PCDHGB4: variants seen among roughly 807,000 people sequenced by gnomAD.
PCDHGB4 encodes the protein protocadherin gamma subfamily B, 4.
A neutral mutation model predicts 60.5 loss-of-function variants in PCDHGB4; 38 were observed. That is an observed-to-expected ratio of 0.63 (90% confidence interval 0.48 to 0.82). PCDHGB4 has a LOEUF of 0.82. Among genes scored for constraint, PCDHGB4 ranks in the 40% least tolerant of loss-of-function variants. The probability of loss-of-function intolerance (pLI) is 0.00; values close to 1 mark genes in which losing one functional copy is unlikely to be tolerated. For synonymous variants in PCDHGB4, 456 were observed against 509.7 expected, an observed-to-expected ratio of 0.89 and a Z score of 1.42; for missense variants, 1,109 against 1,209.6, an observed-to-expected ratio of 0.92 and a Z score of 1.23.
At chr5:141,455,634 G>T (rs1429708887) in intron 1 of PCDHGB4, among the ~76,000 whole-genome samples, 1 of 152,110 alleles carries the variant, frequency 6.6e-6, no homozygotes, top group African/African-American at 2.4e-5. Context: ...GAGATATGTG[G>T]GGGGCAGCCA....
Position 141,490,732 on chromosome 5 carries a change from G to T in PCDHGB4, c.2398-4075G>T, listed in dbSNP as rs775388969. 4 of 1,614,188 alleles carry T rather than the reference G, an allele frequency of 2.5e-6. No individual in the cohort carries two copies. Among genetic ancestry groups the T allele is most frequent in the Non-Finnish European group, 3.4e-6 (4 of 1,180,042 alleles). ...CACCTACTCCATTGTAGGAAATCAGGTTCAGGGAGCCCCAGCCTCCTCCTT... is the reference window on the plus strand; with the variant it reads ...CACCTACTCCATTGTAGGAAATCAGTTTCAGGGAGCCCCAGCCTCCTCCTT... On this transcript the variant is annotated intron_variant, in intron 1 of 3. Transcript: ENST00000519479. The surrounding 1 kb of genome is among the most constrained non-coding windows in gnomAD (Gnocchi z 5.4).
chr5:141,490,793 C>T lies in PCDHGB4; in HGVS notation c.2398-4014C>T, dbSNP rs2233608. 6 of 1,613,812 alleles carry T rather than the reference C, an allele frequency of 3.7e-6. No homozygotes were observed. The East Asian group carries it at 1.3e-4, about 36-fold the overall frequency. On this transcript the variant is annotated intron_variant, in intron 1 of 3. Transcript: ENST00000519479. This position sits in a 1 kb window ranked among gnomAD's most constrained non-coding sequence, Gnocchi z 5.4. Reference sequence around the variant, plus strand: ...AACCCAGAGGATGGACGGATCTTTGCCCAGCGTACCTTTGACTATGAATTG... The same window carrying T: ...AACCCAGAGGATGGACGGATCTTTGTCCAGCGTACCTTTGACTATGAATTG...
intron 3 of PCDHGB4, among the ~76,000 whole-genome samples, chr5:141,508,848 TC>T (rs1390332366): frequency 6.6e-5 from 10 of 151,752 alleles, no homozygotes. Context: ...CCCCTTCCAT[TC>T]CCAGGCTGGG....
rs1452697214 is a variant in PCDHGB4 at position 141,476,552 on chromosome 5, G to T, written c.2398-18255G>T. ...CCAGGAAATGAAATTGGAGATTAGC[G>T]AGGCCGTGGCTCCGGGGACGCGCTT... On this transcript the variant is annotated intron_variant, in intron 1 of 3. Transcript: ENST00000519479. The surrounding 1 kb of genome is among the most constrained non-coding windows in gnomAD (Gnocchi z 7.6). 6.2e-7 allele frequency: 1 copy of T among 1,614,210 alleles called. No individual in the cohort carries two copies. The highest frequency in any genetic ancestry group is 2.2e-5 in the East Asian group (1 of 44,872).
chr5:141,398,799 C>A, intron 1 of PCDHGB4: 1 of 1,613,966 alleles, frequency 6.2e-7, no homozygotes, highest in South Asian at 1.1e-5. Context: ...CCCTAAGCGG[C>A]ACCACTGAGC....
At chr5:141,421,618 G>A (rs748399893) in intron 1 of PCDHGB4, 1 of 1,613,766 alleles carries the variant, frequency 6.2e-7, no homozygotes, top group African/African-American at 1.3e-5. Context: ...TAATGATAAC[G>A]CCCCCAGCTT....
At chr5:141,399,576 C>A (rs2093838433) in intron 1 of PCDHGB4, 4 of 1,614,028 alleles carry the variant, frequency 2.5e-6, no homozygotes, top group Non-Finnish European at 3.4e-6. Context: ...ACGGCCAAGT[C>A]TCCTACTCTA....
rs114776679 is a variant in PCDHGB4, at chr5:141,400,351, G to A, written c.2397+10070G>A. The A allele has an allele frequency of 1.1e-3, 1,779 of 1,614,070 alleles. 15 individuals are homozygous for A. The African/African-American group carries it at 0.021, about 19-fold the overall frequency. On this transcript the variant is annotated intron_variant, in intron 1 of 3. Coordinates refer to ENST00000519479, the MANE Select transcript of PCDHGB4 (RefSeq NM_003736.4). ...TGTGGTTCCCCCCAACTACAGTCAG[G>A]GGACTTTGCCTTATTCCTACAACCT...
intron 1 of PCDHGB4, chr5:141,427,868 C>T (rs1311930991): frequency 4.5e-6 from 7 of 1,559,298 alleles, no homozygotes; most frequent in African/African-American, 2.7e-5. Context: ...CCTTCGAGCT[C>T]ACGATGCAGG....
At chr5:141,497,776 C>A (rs1384125562) in intron 2 of PCDHGB4, among the ~76,000 whole-genome samples, 2 of 152,170 alleles carry the variant, frequency 1.3e-5, no homozygotes. Flanking sequence ...CCGACCTCAA[C>A]TGATCCACCT....
intron 1 of PCDHGB4, chr5:141,395,370 G>A (rs377682598): frequency 1.7e-6 from 2 of 1,207,198 alleles, no homozygotes; most frequent in South Asian, 1.7e-5. Flanking sequence ...GTTTATTTTG[G>A]TGGTGTTACT....
intron 1 of PCDHGB4, chr5:141,393,269 T>C (rs1481759237): frequency 1.2e-6 from 2 of 1,613,832 alleles, no homozygotes; most frequent in Non-Finnish European, 1.7e-6. Flanking sequence ...GAGCACGTTA[T>C]CCACTCCCAG....
chr5:141,509,179 C>T (rs895281717), intron 3 of PCDHGB4, among the ~76,000 whole-genome samples: 1 of 152,172 alleles, frequency 6.6e-6, no homozygotes, highest in African/African-American at 2.4e-5. Flanking sequence ...TCCTCTTATG[C>T]CGGCTTGAAA....
In PCDHGB4 at chr5:141,510,976, G is replaced by A. The variant is rs752758180; in HGVS notation, c.2575G>A (p.Gly859Arg). The change falls in exon 4 of 4, where the codon GGG (glycine) becomes AGG (arginine). Residue 859 changes from glycine to arginine, a missense_variant. Gly to Arg is a moderately radical substitution (Grantham distance 125, BLOSUM62 -2). This residue lies in a region of PCDHGB4 where 1,068 missense variants were observed against 1,089.9 expected (regional missense o/e 0.98). Transcript: ENST00000519479. ...EAADGSSTLG[G>R]GAGTMGLSAR... ...TGCTGATGGGAGCTCCACCCTGGGA[G>A]GGGGTGCCGGCACCATGGGATTGAG... The A allele has an allele frequency of 5.0e-6, 8 of 1,614,046 alleles. No individual in the cohort carries two copies. The highest frequency in any genetic ancestry group is 6.8e-6 in the Non-Finnish European group (8 of 1,180,022).
At chr5:141,419,797 A>G (rs371201079) in intron 1 of PCDHGB4, 14 of 1,613,920 alleles carry the variant, frequency 8.7e-6, no homozygotes, top group Non-Finnish European at 1.1e-5. Flanking sequence ...TAGTCGCTGT[A>G]AGAGATGGAG....
intron 1 of PCDHGB4, among the ~76,000 whole-genome samples, chr5:141,471,107 G>T (rs1023848236): frequency 1.3e-5 from 2 of 148,554 alleles, no homozygotes; most frequent in East Asian, 2.0e-4. Context: ...AGAGTGCAGT[G>T]GTGCGATCTT....
rs139156138 is a variant in PCDHGB4 at position 141,472,179 on chromosome 5, T to C, written c.2398-22628T>C. 5.1e-4 allele frequency among the ~76,000 whole-genome samples: 77 copies of C among 152,246 alleles called. 4 individuals are homozygous for C. The East Asian group carries it at 0.014, about 27-fold the overall frequency. On this transcript the variant is annotated intron_variant, in intron 1 of 3. Coordinates refer to ENST00000519479, the MANE Select transcript of PCDHGB4 (RefSeq NM_003736.4). ...TAGCTACTAGGTGTAATATCCAGTATTGGAATTTGAATCTTTTTGACACTA... is the reference window on the plus strand; with the variant it reads ...TAGCTACTAGGTGTAATATCCAGTACTGGAATTTGAATCTTTTTGACACTA...
chr5:141,500,434 C>T (rs1216731905), intron 2 of PCDHGB4, among the ~76,000 whole-genome samples: 1 of 152,014 alleles, frequency 6.6e-6, no homozygotes, highest in Non-Finnish European at 1.5e-5. Flanking sequence ...TGGTCTCGAT[C>T]TCCTGACCTC....
intron 1 of PCDHGB4, among the ~76,000 whole-genome samples, chr5:141,447,898 C>T (rs531933709): frequency 3.1e-3 from 465 of 152,088 alleles, no homozygotes; most frequent in Non-Finnish European, 5.5e-3. Context: ...CCAGCCTGGC[C>T]AACATGGTGA....
Sources: allele counts gnomAD v4.1 joint callset (sites outside exome capture counted in the v4.1 genomes callset), GRCh38; gene constraint gnomAD v4.1.1; regional missense constraint gnomAD v4.1.1; non-coding constraint Gnocchi (gnomAD v3.1); transcripts MANE v1.5; gene names NCBI Gene and HGNC (gene_info 2026-07-23, HGNC 2026-07-21).